Variants in LRRTM4 observed in about 807,000 individuals in gnomAD.
LRRTM4 encodes leucine rich repeat transmembrane neuronal 4.
A neutral mutation model predicts 47.6 loss-of-function variants in LRRTM4; 25 were observed. The ratio of observed to expected loss-of-function variants is 0.53; its 90% confidence interval spans 0.38 to 0.73. LRRTM4 has a LOEUF of 0.73. Among genes scored for constraint, LRRTM4 ranks in the 30% least tolerant of loss-of-function variants. LRRTM4 has a pLI of 0.00. For synonymous variants in LRRTM4, 311 were observed against 269.5 expected (o/e 1.15, Z -1.51); for missense variants, 638 against 713.4 (o/e 0.89, Z 1.20).
At chr2:77,015,937 C>T (rs11889881) in intron 3 of LRRTM4, among the ~76,000 whole-genome samples, 13,319 of 151,492 alleles carry the variant, frequency 0.088, 1,342 homozygotes, top group African/African-American at 0.24. Flanking sequence ...GCCAACATAG[C>T]GAAACCCTGT....
intron 3 of LRRTM4, among the ~76,000 whole-genome samples, chr2:76,800,008 G>C (rs112317489): frequency 1.3e-5 from 2 of 150,926 alleles, no homozygotes; most frequent in Non-Finnish European, 3.0e-5. Flanking sequence ...AATCAATATC[G>C]TGAAAATGGT....
intron 3 of LRRTM4, among the ~76,000 whole-genome samples, chr2:76,899,297 G>C (rs1328391651): frequency 6.7e-6 from 1 of 148,298 alleles, no homozygotes; most frequent in African/African-American, 2.5e-5. Context: ...TGGAGGGAGA[G>C]AAAGACTAAT....
At chr2:77,072,448 A>T (rs1284991227) in intron 3 of LRRTM4, among the ~76,000 whole-genome samples, 1 of 152,136 alleles carries the variant, frequency 6.6e-6, no homozygotes, top group South Asian at 2.1e-4. Flanking sequence ...GATGAATCCA[A>T]AGATTTAGAG....
At chr2:77,019,990 A>G (rs1294524668) in intron 3 of LRRTM4, among the ~76,000 whole-genome samples, 2 of 152,056 alleles carry the variant, frequency 1.3e-5, no homozygotes, top group Non-Finnish European at 2.9e-5. Context: ...GTGTTTTTTG[A>G]TAGCAAAATA....
At chr2:77,094,453 A>G (rs1448991980) in intron 3 of LRRTM4, among the ~76,000 whole-genome samples, 1 of 152,166 alleles carries the variant, frequency 6.6e-6, no homozygotes, top group Admixed American at 6.5e-5. Flanking sequence ...GGAACCAGGA[A>G]AGACCCCACA....
At chr2:77,418,043 G>T (rs954399664) in intron 3 of LRRTM4, among the ~76,000 whole-genome samples, 3 of 151,842 alleles carry the variant, frequency 2.0e-5, no homozygotes, top group African/African-American at 7.3e-5. Context: ...TAATGGCATA[G>T]GATGATTTTT....
chr2:77,369,482 C>T (rs1432607861), intron 3 of LRRTM4, among the ~76,000 whole-genome samples: 1 of 151,432 alleles, frequency 6.6e-6, no homozygotes, highest in Non-Finnish European at 1.5e-5. Flanking sequence ...AACATGAAGA[C>T]GAAAGTGGAC....
chr2:77,515,953 G>A (rs1033747424), intron 3 of LRRTM4, among the ~76,000 whole-genome samples: 2 of 151,738 alleles, frequency 1.3e-5, no homozygotes, highest in African/African-American at 2.4e-5. Flanking sequence ...CAAAAAATGG[G>A]GTGACCCCTG....
At chr2:76,822,588 A>G (rs902837223) in intron 3 of LRRTM4, among the ~76,000 whole-genome samples, 4 of 151,510 alleles carry the variant, frequency 2.6e-5, no homozygotes, top group Non-Finnish European at 5.9e-5. Context: ...ACCAACATGT[A>G]AAAAAACACT....
intron 3 of LRRTM4, among the ~76,000 whole-genome samples, chr2:77,012,807 C>T (rs1677922490): frequency 6.6e-6 from 1 of 152,114 alleles, no homozygotes; most frequent in South Asian, 2.1e-4. Context: ...ATTACCAACT[C>T]AAACAAGGAT....
chr2:77,220,842 G>A (rs554176849), intron 3 of LRRTM4, among the ~76,000 whole-genome samples: 1 of 152,236 alleles, frequency 6.6e-6, no homozygotes, highest in Non-Finnish European at 1.5e-5. Flanking sequence ...TCAAATTCAG[G>A]AAATACAGAG....
chr2:77,521,731 T>C lies in LRRTM4; in HGVS notation c.-60A>G. 1 of 1,600,066 alleles carries C rather than the reference T, an allele frequency of 6.2e-7. No individual in the cohort carries two copies. The highest frequency in any genetic ancestry group is 8.6e-7 in the Non-Finnish European group (1 of 1,169,314). ...AGCTTTCTTCTTATTTGGTCTCTTGTGCGGAAACCACCACCACCTTCATGA... is the reference window on the plus strand; with the variant it reads ...AGCTTTCTTCTTATTTGGTCTCTTGCGCGGAAACCACCACCACCTTCATGA... On this transcript the variant is annotated 5_prime_UTR_variant, in exon 2 of 4. Transcript: ENST00000409884.
chr2:76,748,553 T>G lies in LRRTM4; in HGVS notation c.*142A>C, dbSNP rs1672724173. 1.4e-6 allele frequency: 1 copy of G among 697,004 alleles called. No individual in the cohort carries two copies. Among genetic ancestry groups the G allele is most frequent in the African/African-American group, 1.8e-5 (1 of 55,756 alleles). 43.2% of individuals were successfully genotyped at this position (697,004 alleles called of 1,614,324 possible). A position where few individuals can be genotyped will look rare whatever the true frequency, so the allele number is the denominator to read the frequency against. On this transcript the variant is annotated 3_prime_UTR_variant, in exon 4 of 4. Coordinates refer to ENST00000409884, the MANE Select transcript of LRRTM4 (RefSeq NM_001134745.3). ...CCTCTTCAAGCAGTTTTTTTTTCTC[T>G]TTTTCTTTTCTCTATGCCATAAATG...
chr2:77,213,116 G>A (rs577814429), intron 3 of LRRTM4, among the ~76,000 whole-genome samples: 12 of 152,248 alleles, frequency 7.9e-5, no homozygotes, highest in East Asian at 7.7e-4. Flanking sequence ...GTTAACAACC[G>A]TAAATGTTAC....
intron 3 of LRRTM4, among the ~76,000 whole-genome samples, chr2:77,284,820 T>C (rs1676605122): frequency 6.6e-6 from 1 of 152,112 alleles, no homozygotes; most frequent in Non-Finnish European, 1.5e-5. Context: ...TGTATGTTGA[T>C]AATCTCAACA....
intron 3 of LRRTM4, among the ~76,000 whole-genome samples, chr2:77,448,365 G>C (rs1419230133): frequency 1.3e-5 from 2 of 152,160 alleles, no homozygotes; most frequent in African/African-American, 2.4e-5. Context: ...TATCACTCAT[G>C]ATATACATAG....
At chr2:77,210,767 C>T (rs1674270206) in intron 3 of LRRTM4, among the ~76,000 whole-genome samples, 1 of 152,094 alleles carries the variant, frequency 6.6e-6, no homozygotes, top group Admixed American at 6.6e-5. Context: ...CCACCTGAGG[C>T]CATTCAGCTA....
rs115304837 is a variant in LRRTM4, at chr2:77,227,855, T to C, written c.1551+290463A>G. 9.0e-3 allele frequency among the ~76,000 whole-genome samples: 1,365 copies of C among 152,204 alleles called. 30 individuals are homozygous for C. The highest frequency in any genetic ancestry group is 0.031 in the African/African-American group (1,299 of 41,542). ...GTTTCTAGTCATTAAAATATGGTTA[T>C]ACTTTCCAGCCTTTTTCTTATGCAT... On this transcript the variant is annotated intron_variant, in intron 3 of 3. Transcript: ENST00000409884.
intron 3 of LRRTM4, among the ~76,000 whole-genome samples, chr2:77,019,715 T>C (rs1678198726): frequency 6.6e-6 from 1 of 152,126 alleles, no homozygotes; most frequent in African/African-American, 2.4e-5. Context: ...CTAAACTTGG[T>C]TATAATAACA....
Sources: gnomAD v4.1 joint callset for allele counts (sites outside exome capture counted in the v4.1 genomes callset) on GRCh38, gnomAD v4.1.1 for gene constraint, MANE v1.5 for transcripts, NCBI Gene and HGNC (gene_info 2026-07-23, HGNC 2026-07-21) for gene names.